The following SLC9C2 variants were observed in gnomAD, a reference collection of about 807,000 sequenced individuals.
SLC9C2 encodes sodium/hydrogen exchanger 11.
Under a neutral mutation model 140.2 loss-of-function variants are expected in SLC9C2, and 75 were observed. The observed-to-expected ratio is 0.53, with a 90% CI of 0.44 to 0.65. The LOEUF (loss-of-function observed/expected upper bound fraction) is 0.65, where lower values mean the gene tolerates loss of function less well. Ranked by LOEUF, SLC9C2 falls within the 30% of genes least tolerant of loss-of-function variation. The pLI is 0.00. For synonymous variants in SLC9C2, 375 were observed against 420.9 expected (o/e 0.89, Z 1.34); for missense variants, 1,074 against 1,331.8 (o/e 0.81, Z 3.01).
intron 4 of SLC9C2, among the ~76,000 whole-genome samples, chr1:173,594,796 G>A (rs187806224): frequency 1.4e-4 from 21 of 152,252 alleles, no homozygotes; most frequent in African/African-American, 4.1e-4. Flanking sequence ...TTTTTAAAAC[G>A]TATGAAACCA....
At chr1:173,562,694 A>G (rs1377446843) in intron 9 of SLC9C2, among the ~76,000 whole-genome samples, 1 of 152,230 alleles carries the variant, frequency 6.6e-6, no homozygotes, top group Non-Finnish European at 1.5e-5. Flanking sequence ...GCACGTATTT[A>G]GCATATATAA....
At chr1:173,554,895 T>C (rs983322949) in intron 10 of SLC9C2, 81 bp from the exon 11 acceptor site, 7 of 835,438 alleles carry the variant, frequency 8.4e-6, no homozygotes, top group Non-Finnish European at 1.4e-5. Context: ...ATTAGCCACT[T>C]ACAAAATTCT....
At chr1:173,514,982 C>T (rs1189172705) in intron 23 of SLC9C2, among the ~76,000 whole-genome samples, 13 of 152,166 alleles carry the variant, frequency 8.5e-5, no homozygotes, top group Non-Finnish European at 1.5e-5. Context: ...TATTGGCCCC[C>T]ACTGTTTTCT....
At chr1:173,588,713 T>C (rs180910468) in intron 4 of SLC9C2, among the ~76,000 whole-genome samples, 116 of 152,322 alleles carry the variant, frequency 7.6e-4, no homozygotes, top group Non-Finnish European at 1.4e-3. Flanking sequence ...CATTGACTTA[T>C]GATTTTTCTT....
chr1:173,520,554 T>C (rs1343774386), intron 22 of SLC9C2, among the ~76,000 whole-genome samples: 1 of 152,188 alleles, frequency 6.6e-6, no homozygotes, highest in African/African-American at 2.4e-5. Context: ...GAATTAACAG[T>C]GCCTGCCACA....
chr1:173,599,788 G>A (rs1666674450), intron 3 of SLC9C2, among the ~76,000 whole-genome samples: 2 of 152,140 alleles, frequency 1.3e-5, no homozygotes, highest in Non-Finnish European at 2.9e-5. Context: ...ATTTTTAGTA[G>A]AGATGGGATT....
chr1:173,587,542 T>TG (rs992357403), intron 5 of SLC9C2, 123 bp downstream of exon 5: 4 of 925,864 alleles, frequency 4.3e-6, no homozygotes, highest in Non-Finnish European at 4.7e-6. Flanking sequence ...CCTCTCAAGG[T>TG]GAAAAAAAAA....
At chr1:173,503,448 C>T in intron 26 of SLC9C2, 122 bp from the exon 27 acceptor site, 1 of 859,612 alleles carries the variant, frequency 1.2e-6, no homozygotes, top group Non-Finnish European at 1.8e-6. Context: ...TCCCTTCCCC[C>T]TCTCAAATGT....
intron 26 of SLC9C2, among the ~76,000 whole-genome samples, chr1:173,504,424 T>C (rs959576415): frequency 5.9e-5 from 9 of 152,170 alleles, no homozygotes; most frequent in African/African-American, 2.2e-4. Flanking sequence ...CAGTGAGATA[T>C]AAGACTGAGA....
chr1:173,505,403 C>A, intron 25 of SLC9C2, 72 bp from the exon 26 acceptor site: 1 of 1,169,324 alleles, frequency 8.6e-7, no homozygotes, highest in South Asian at 1.3e-5. Flanking sequence ...CCTAATCTTT[C>A]CAAAGAGTAT....
Position 173,537,059 on chromosome 1 carries a change from A to G in SLC9C2, c.1558-20T>C. 6.4e-7 allele frequency: 1 copy of G among 1,562,088 alleles called. No homozygotes were observed. Among genetic ancestry groups the G allele is most frequent in the Non-Finnish European group, 8.8e-7 (1 of 1,133,410 alleles). On this transcript the variant is annotated intron_variant, in intron 13 of 27. Coordinates refer to ENST00000367714, the MANE Select transcript of SLC9C2 (RefSeq NM_178527.4). ...GCTACTCTAAACATACATTAAATGA[A>G]GATTACAAAAGATCAAAACATAAAT...
At chr1:173,513,502 A>T (rs1660192643) in intron 23 of SLC9C2, among the ~76,000 whole-genome samples, 1 of 151,936 alleles carries the variant, frequency 6.6e-6, no homozygotes, top group Non-Finnish European at 1.5e-5. Context: ...GTCAGTGGTG[A>T]TATCCCCTTT....
chr1:173,575,798 T>G (rs1665141888), intron 8 of SLC9C2, among the ~76,000 whole-genome samples: 1 of 152,118 alleles, frequency 6.6e-6, no homozygotes. Context: ...CAGGATGGTC[T>G]CGATCTCCTG....
Position 173,576,481 on chromosome 1 carries a change from A to G in SLC9C2, c.902+180T>C, listed in dbSNP as rs1665185886. On this transcript the variant is annotated intron_variant, in intron 8 of 27. Coordinates refer to ENST00000367714, the MANE Select transcript of SLC9C2 (RefSeq NM_178527.4). ...ATACTTTATTCATAACAGGAGTATC[A>G]ATTAATGCTGATAATTGTTGGCACC... Among the ~76,000 whole-genome samples the G allele has an allele frequency of 3.3e-5, 5 of 152,374 alleles. No homozygotes were observed. In the South Asian group the frequency reaches 1.0e-3, roughly 32 times the overall value.
rs1659730599 is a variant in SLC9C2 at position 173,507,504 on chromosome 1, T to C, written c.3040-463A>G. On this transcript the variant is annotated intron_variant, in intron 24 of 27. Coordinates refer to ENST00000367714, the MANE Select transcript of SLC9C2 (RefSeq NM_178527.4). ...TGGGAGGGAGTTATTATGGGTTGAA[T>C]TGTGCACACACACACACACACACAC... Among the ~76,000 whole-genome samples the C allele has an allele frequency of 3.1e-5, 4 of 131,062 alleles. No homozygotes were observed. The South Asian group carries it at 1.1e-3, about 38-fold the overall frequency. The allele number at this position is 131,062 out of a possible 152,430, so 86.0% of individuals were successfully genotyped here.
intron 22 of SLC9C2, among the ~76,000 whole-genome samples, chr1:173,519,473 C>T (rs1351849739): frequency 1.3e-5 from 2 of 152,174 alleles, no homozygotes; most frequent in African/African-American, 4.8e-5. Flanking sequence ...TTCTGACCTA[C>T]ACAGCCATGA....
At chr1:173,567,072 G>A (rs1411135157) in intron 9 of SLC9C2, among the ~76,000 whole-genome samples, 1 of 151,986 alleles carries the variant, frequency 6.6e-6, no homozygotes, top group Non-Finnish European at 1.5e-5. Context: ...TTTAAGACTT[G>A]TTTTATGATC....
chr1:173,571,889 C>T (rs1664863322), intron 9 of SLC9C2, among the ~76,000 whole-genome samples: 1 of 152,156 alleles, frequency 6.6e-6, no homozygotes, highest in Admixed American at 6.5e-5. Flanking sequence ...TATTCTGAAG[C>T]TTCAAAAGTT....
Position 173,507,023 on chromosome 1 carries a change from A to C in SLC9C2, c.3058T>G (p.Cys1020Gly), listed in dbSNP as rs780803737. ...LIDEDLRFQN[C>G]VMFNQAYVET... ...ACATATGCTTGATTGAACATCACAC[A>C]GTTCTGAAACCTTAAGTCCTATAAT... The change falls in exon 25 of 28, where the codon TGT (cysteine) becomes GGT (glycine). Residue 1020 changes from cysteine (C) to glycine (G), a missense_variant. Transcript: ENST00000367714. 6.3e-7 allele frequency: 1 copy of C among 1,594,098 alleles called. No individual in the cohort carries two copies. The highest frequency in any genetic ancestry group is 8.5e-7 in the Non-Finnish European group (1 of 1,173,750).
Sources: allele counts gnomAD v4.1 joint callset (sites outside exome capture counted in the v4.1 genomes callset), GRCh38; gene constraint gnomAD v4.1.1; transcripts MANE v1.5; gene names NCBI Gene and HGNC (gene_info 2026-07-23, HGNC 2026-07-21).